Variants in FHIT observed in about 807,000 individuals in gnomAD.
FHIT encodes the protein fragile histidine triad diadenosine triphosphatase, also known as bis(5'-adenosyl)-triphosphatase.
In FHIT, 19 loss-of-function variants were observed where a neutral mutation model predicts 17.9. The observed-to-expected ratio is 1.06, with a 90% CI of 0.74 to 1.56. FHIT has a LOEUF of 1.56. Ranked by LOEUF, FHIT falls within the 40% of genes most tolerant of loss-of-function variation. The pLI, the probability that FHIT is intolerant of heterozygous loss-of-function variation, is 0.00. For synonymous variants in FHIT, 81 were observed against 69.7 expected (o/e 1.16, Z -0.81); for missense variants, 248 against 189.2 (o/e 1.31, Z -1.82).
At chr3:60,052,984 G>T (rs2106888912) in intron 5 of FHIT, among the ~76,000 whole-genome samples, 1 of 152,016 alleles carries the variant, frequency 6.6e-6, no homozygotes, top group African/African-American at 2.4e-5. Context: ...AGAGTCTTCA[G>T]TATTATATTT....
intron 5 of FHIT, among the ~76,000 whole-genome samples, chr3:60,095,743 G>T (rs1289795319): frequency 6.6e-6 from 1 of 152,146 alleles, no homozygotes; most frequent in African/African-American, 2.4e-5. Flanking sequence ...CTGAGAAAAG[G>T]CAAAACAACA....
At chr3:60,613,001 G>A (rs1379280777) in intron 4 of FHIT, among the ~76,000 whole-genome samples, 3 of 152,258 alleles carry the variant, frequency 2.0e-5, no homozygotes, top group African/African-American at 7.2e-5. Flanking sequence ...AGGATTAACA[G>A]CCAAGAATGT....
At chr3:59,766,277 G>A (rs993584246) in intron 8 of FHIT, among the ~76,000 whole-genome samples, 5 of 152,348 alleles carry the variant, frequency 3.3e-5, no homozygotes, top group Admixed American at 1.3e-4. Context: ...TGAGAGGCAT[G>A]TAAGATTACA....
chr3:60,115,911 A>T (rs925463173), intron 5 of FHIT, among the ~76,000 whole-genome samples: 1 of 152,134 alleles, frequency 6.6e-6, no homozygotes, highest in African/African-American at 2.4e-5. Context: ...GGAATTTTTT[A>T]AAGCACTGGA....
chr3:61,009,288 G>A (rs1038140149), intron 3 of FHIT, among the ~76,000 whole-genome samples: 3 of 152,154 alleles, frequency 2.0e-5, no homozygotes, highest in African/African-American at 4.8e-5. Flanking sequence ...CGTGATATAT[G>A]TTCTGGTTCT....
rs144690930 is a variant in FHIT, at chr3:61,185,256, A to C, written c.-164+15361T>G. On this transcript the variant is annotated intron_variant, in intron 2 of 9. Transcript: ENST00000492590. The stretch of plus-strand genomic sequence containing the variant: ...ATCAGGAGAAGCAAGCACAGACTGC[A>C]GAGGCCACCTCGACCTGAGCAGCAA... 5.1e-4 allele frequency among the ~76,000 whole-genome samples: 78 copies of C among 152,336 alleles called. 1 individual carries two copies. Among genetic ancestry groups the C allele is most frequent in the African/African-American group, 1.8e-3 (76 of 41,582 alleles).
intron 5 of FHIT, among the ~76,000 whole-genome samples, chr3:60,257,843 A>T (rs1706081174): frequency 1.3e-5 from 2 of 152,162 alleles, no homozygotes; most frequent in South Asian, 4.1e-4. Flanking sequence ...GAGCTGAATT[A>T]TGAGAACAAA....
chr3:60,194,905 C>T (rs1702555047), intron 5 of FHIT, among the ~76,000 whole-genome samples: 1 of 152,120 alleles, frequency 6.6e-6, no homozygotes, highest in Non-Finnish European at 1.5e-5. Context: ...GTGGCTCACA[C>T]CTGTAATCCC....
At chr3:60,726,162 C>T (rs1395885207) in intron 4 of FHIT, among the ~76,000 whole-genome samples, 2 of 152,046 alleles carry the variant, frequency 1.3e-5, no homozygotes, top group Non-Finnish European at 2.9e-5. Flanking sequence ...GATTGGTCTC[C>T]CCTTCTAACT....
chr3:61,046,856 G>A (rs147253156), intron 2 of FHIT, among the ~76,000 whole-genome samples: 1,996 of 152,192 alleles, frequency 0.013, 42 homozygotes, highest in African/African-American at 0.045. Flanking sequence ...ATCAAAAAAC[G>A]TAATCCATCA....
intron 3 of FHIT, among the ~76,000 whole-genome samples, chr3:61,034,983 A>T (rs2033173555): frequency 6.6e-6 from 1 of 152,326 alleles, no homozygotes; most frequent in African/African-American, 2.4e-5. Context: ...TAAACTTCTG[A>T]TACATCTTAT....
At chr3:59,925,519 G>A (rs1420367395) in intron 7 of FHIT, among the ~76,000 whole-genome samples, 2 of 152,066 alleles carry the variant, frequency 1.3e-5, no homozygotes, top group African/African-American at 2.4e-5. Flanking sequence ...GGGGGGTTGC[G>A]AACCTGCACT....
intron 1 of FHIT, among the ~76,000 whole-genome samples, chr3:61,223,586 G>A (rs1298198495): frequency 2.6e-5 from 4 of 152,160 alleles, no homozygotes; most frequent in African/African-American, 9.7e-5. Flanking sequence ...ATTTTTGCAA[G>A]GCATCCAATA....
intron 5 of FHIT, among the ~76,000 whole-genome samples, chr3:60,372,672 G>A (rs1700377603): frequency 6.6e-6 from 1 of 152,166 alleles, no homozygotes; most frequent in Non-Finnish European, 1.5e-5. Flanking sequence ...ATCTACTTCA[G>A]TATGCATTAA....
At chr3:60,804,336 G>A (rs1701306548) in intron 4 of FHIT, among the ~76,000 whole-genome samples, 1 of 152,102 alleles carries the variant, frequency 6.6e-6, no homozygotes, top group Non-Finnish European at 1.5e-5. Flanking sequence ...TCCGCATCTT[G>A]CACCATTTGC....
chr3:60,307,539 C>T (rs567979456), intron 5 of FHIT, among the ~76,000 whole-genome samples: 1 of 151,894 alleles, frequency 6.6e-6, no homozygotes, highest in East Asian at 1.9e-4. Flanking sequence ...ATGATATTTA[C>T]TTTGAGTGTG....
intron 8 of FHIT, among the ~76,000 whole-genome samples, chr3:59,916,889 T>C (rs1400115510): frequency 6.6e-6 from 1 of 152,232 alleles, no homozygotes; most frequent in Non-Finnish European, 1.5e-5. Context: ...ACCAAAGTTT[T>C]CATTCCAAAA....
At chr3:61,008,554 T>A (rs1389638703) in intron 3 of FHIT, among the ~76,000 whole-genome samples, 2 of 149,874 alleles carry the variant, frequency 1.3e-5, no homozygotes. Flanking sequence ...GGTGGTTGTG[T>A]TTGTGCAACA....
chr3:60,441,790 A>ATATGTGTGTGTGTG (rs1559916341), intron 5 of FHIT, among the ~76,000 whole-genome samples: 8 of 43,414 alleles, frequency 1.8e-4, no homozygotes, highest in Non-Finnish European at 3.3e-4. Flanking sequence ...AAAAATATAT[A>ATATGTGTGTGTGTG]TATATATATA....
Sources: gnomAD v4.1 joint callset for allele counts (sites outside exome capture counted in the v4.1 genomes callset) on GRCh38, gnomAD v4.1.1 for gene constraint, MANE v1.5 for transcripts, NCBI Gene and HGNC (gene_info 2026-07-23, HGNC 2026-07-21) for gene names.